RIN3: variants seen among roughly 807,000 people sequenced by gnomAD.
RIN3 encodes Ras and Rab interactor 3.
Under a neutral mutation model 76.3 loss-of-function variants are expected in RIN3, and 54 were observed. That is an observed-to-expected ratio of 0.71 (90% confidence interval 0.57 to 0.89). The LOEUF (loss-of-function observed/expected upper bound fraction) is 0.89, where lower values mean the gene tolerates loss of function less well. Among genes scored for constraint, RIN3 ranks in the 40% least tolerant of loss-of-function variants. The pLI, the probability that RIN3 is intolerant of heterozygous loss-of-function variation, is 0.00. For missense variants in RIN3, 1,256 were observed against 1,322.1 expected (o/e 0.95, Z 0.78); for synonymous variants, 576 against 564.0 (o/e 1.02, Z -0.30).
chr14:92,629,519 T>C (rs1390106112), intron 4 of RIN3, among the ~76,000 whole-genome samples: 3 of 152,216 alleles, frequency 2.0e-5, no homozygotes, highest in Non-Finnish European at 4.4e-5. Flanking sequence ...GAAGTAAAGA[T>C]ACAAAGTCAT....
In RIN3 at chr14:92,656,548, T is replaced by C. The variant is rs1455985931; in HGVS notation, c.2027-2613T>C. On this transcript the variant is annotated intron_variant, in intron 6 of 9. Coordinates refer to ENST00000216487, the MANE Select transcript of RIN3 (RefSeq NM_024832.5). The surrounding 1 kb of genome is among the most constrained non-coding windows in gnomAD (Gnocchi z 5.2). ...TGGCTGGCAGGATGCAGACACACCA[T>C]GGGTCCTGTTAAGGCCAAATCTGCT... Among the ~76,000 whole-genome samples, 1 of 152,200 alleles carries C rather than the reference T, an allele frequency of 6.6e-6. No individual in the cohort carries two copies. The highest frequency in any genetic ancestry group is 6.5e-5 in the Admixed American group (1 of 15,288).
intron 5 of RIN3, among the ~76,000 whole-genome samples, chr14:92,641,778 C>G (rs967423861): frequency 6.6e-6 from 1 of 152,204 alleles, no homozygotes; most frequent in African/African-American, 2.4e-5. Flanking sequence ...TGACCCTAAG[C>G]ACACCCTACC....
At position 92,652,073 on chromosome 14, in the gene RIN3, G is replaced by A. The variant is rs765541980; in HGVS notation, c.1024G>A (p.Glu342Lys). Residue 342 changes from glutamate (E) to lysine (K), a missense_variant, in exon 6 of 10, where the codon GAG (glutamate) becomes AAG (lysine). Glu to Lys is a moderately conservative substitution (Grantham distance 56, BLOSUM62 1). Transcript: ENST00000216487. The surrounding 1 kb of genome is among the most constrained non-coding windows in gnomAD (Gnocchi z 6.4). The stretch of plus-strand genomic sequence containing the variant: ...GAACCAGCCGCCCATGATGACCTGC[G>A]AGAGACTCCCATGCCCCACTGCAGG... ...HPNQPPMMTCERLPCPTAGLG... is the reference protein window; with the variant it reads ...HPNQPPMMTCKRLPCPTAGLG... 14 of 1,601,960 alleles carry A rather than the reference G, an allele frequency of 8.7e-6. No homozygotes were observed. In the East Asian group the frequency reaches 1.6e-4, roughly 18 times the overall value.
intron 4 of RIN3, among the ~76,000 whole-genome samples, chr14:92,636,857 C>T (rs1886795270): frequency 6.6e-6 from 1 of 151,790 alleles, no homozygotes. Flanking sequence ...CAAGACAGGC[C>T]TGGACAATTT....
chr14:92,641,136 G>C (rs557697512), intron 4 of RIN3, 102 bp from the exon 5 acceptor site: 108 of 874,668 alleles, frequency 1.2e-4, no homozygotes, highest in Non-Finnish European at 1.9e-4. Flanking sequence ...GCTGTATGGA[G>C]ACCCTGGCAG....
At chr14:92,572,860 G>A (rs1898101779) in intron 2 of RIN3, among the ~76,000 whole-genome samples, 2 of 148,382 alleles carry the variant, frequency 1.3e-5, no homozygotes, top group African/African-American at 2.5e-5. Flanking sequence ...CCTGTAGAAG[G>A]GTGACTCTTT....
At chr14:92,546,687 G>A (rs61975763) in intron 1 of RIN3, among the ~76,000 whole-genome samples, 4 of 151,106 alleles carry the variant, frequency 2.6e-5, no homozygotes, top group African/African-American at 7.3e-5. Flanking sequence ...GATAGTGGGC[G>A]TAACTGTTTT....
At chr14:92,538,780 A>C (rs1897067793) in intron 1 of RIN3, among the ~76,000 whole-genome samples, 1 of 152,096 alleles carries the variant, frequency 6.6e-6, no homozygotes, top group Non-Finnish European at 1.5e-5. Context: ...AAGTTGTTTT[A>C]ATTGTTTTCT....
rs187888589 is a variant in RIN3, at chr14:92,564,950, C to T, written c.249+8995C>T. Among the ~76,000 whole-genome samples the T allele has an allele frequency of 4.6e-4, 70 of 152,316 alleles. No homozygotes were observed. In the East Asian group the frequency reaches 0.011, roughly 24 times the overall value. On this transcript the variant is annotated intron_variant, in intron 2 of 9. Coordinates refer to ENST00000216487, the MANE Select transcript of RIN3 (RefSeq NM_024832.5). ...TTAGTGGCTAATCAGGGAAGGCTTTCAGGAGCAGTGGCAGATGGAGGGCCC... is the reference window on the plus strand; with the variant it reads ...TTAGTGGCTAATCAGGGAAGGCTTTTAGGAGCAGTGGCAGATGGAGGGCCC...
At position 92,652,775 on chromosome 14, in the gene RIN3, G is replaced by C. The variant is rs1305142887; in HGVS notation, c.1726G>C (p.Gly576Arg). ...GAAGAAGAAGCCCTCCATGATCCTG[G>C]GCAAGGCTCGGCACCGGCTGAGCTT... Reference protein sequence around the residue: ...SVKKKPSMILGKARHRLSFAS... With the variant: ...SVKKKPSMILRKARHRLSFAS... The change falls in exon 6 of 10, where the codon GGC becomes CGC. Residue 576 changes from glycine to arginine, a missense_variant. Physicochemically the swap from Gly to Arg is moderately radical, Grantham distance 125. Coordinates refer to ENST00000216487, the MANE Select transcript of RIN3 (RefSeq NM_024832.5). This position sits in a 1 kb window ranked among gnomAD's most constrained non-coding sequence, Gnocchi z 6.4. 6.2e-7 allele frequency: 1 copy of C among 1,613,968 alleles called. No individual in the cohort carries two copies. Among genetic ancestry groups the C allele is most frequent in the Non-Finnish European group, 8.5e-7 (1 of 1,180,030 alleles).
Position 92,652,639 on chromosome 14 carries a change from C to T in RIN3, c.1590C>T (p.Ser530=). Reference sequence around the variant, plus strand: ...AGAGCTCTCCAGAGTTCAAGGGCTCCCTGGCCTCCCTCTCAGACAGCTTGG... The same window carrying T: ...AGAGCTCTCCAGAGTTCAAGGGCTCTCTGGCCTCCCTCTCAGACAGCTTGG... The part of the protein sequence containing the change: ...HSQSSPEFKG[S]LASLSDSLGV... Residue 530 remains serine, a synonymous_variant, in exon 6 of 10, where the codon TCC becomes TCT. Transcript: ENST00000216487. The surrounding 1 kb of genome is among the most constrained non-coding windows in gnomAD (Gnocchi z 6.4). 2 of 1,611,502 alleles carry T rather than the reference C, an allele frequency of 1.2e-6. No individual in the cohort carries two copies. Among genetic ancestry groups the T allele is most frequent in the Non-Finnish European group, 1.7e-6 (2 of 1,179,904 alleles).
chr14:92,583,744 C>A (rs1052037143), intron 3 of RIN3, among the ~76,000 whole-genome samples: 1 of 152,202 alleles, frequency 6.6e-6, no homozygotes, highest in South Asian at 2.1e-4. Context: ...AACATGATCT[C>A]ATTCATTTTA....
At chr14:92,525,245 C>A (rs569573219) in intron 1 of RIN3, among the ~76,000 whole-genome samples, 1 of 152,192 alleles carries the variant, frequency 6.6e-6, no homozygotes. Flanking sequence ...ACAGAAGAGC[C>A]GGCAGCACAA....
chr14:92,529,754 AG>A (rs1896835325), intron 1 of RIN3, among the ~76,000 whole-genome samples: 1 of 152,072 alleles, frequency 6.6e-6, no homozygotes, highest in Non-Finnish European at 1.5e-5. Flanking sequence ...TTCACTTTTT[AG>A]GATCCGAAGC....
At chr14:92,608,414 G>A (rs1194151809) in intron 3 of RIN3, among the ~76,000 whole-genome samples, 3 of 152,204 alleles carry the variant, frequency 2.0e-5, no homozygotes, top group Non-Finnish European at 4.4e-5. Flanking sequence ...AACTGGCAAT[G>A]TACCAACCAC....
intron 4 of RIN3, among the ~76,000 whole-genome samples, chr14:92,636,635 A>C (rs1275990729): frequency 6.6e-6 from 1 of 152,258 alleles, no homozygotes; most frequent in African/African-American, 2.4e-5. Context: ...ACTCTGCAGC[A>C]CAGAAAAGGA....
At chr14:92,562,040 A>T (rs1199960392) in intron 2 of RIN3, among the ~76,000 whole-genome samples, 18 of 152,124 alleles carry the variant, frequency 1.2e-4, no homozygotes, top group Admixed American at 1.2e-3. Flanking sequence ...TGTTACATTT[A>T]GTCATCTTGT....
intron 2 of RIN3, among the ~76,000 whole-genome samples, chr14:92,560,537 G>C (rs1595415871): frequency 6.6e-6 from 1 of 152,278 alleles, no homozygotes; most frequent in East Asian, 1.9e-4. Flanking sequence ...CTGTCAGGTA[G>C]GCATTAGTGT....
chr14:92,679,884 G>A (rs1595507373), intron 8 of RIN3, among the ~76,000 whole-genome samples: 1 of 152,178 alleles, frequency 6.6e-6, no homozygotes, highest in Non-Finnish European at 1.5e-5. Flanking sequence ...GGAAACCCTG[G>A]GCAAGTCACC....
Sources: allele counts gnomAD v4.1 joint callset (sites outside exome capture counted in the v4.1 genomes callset), GRCh38; gene constraint gnomAD v4.1.1; non-coding constraint Gnocchi (gnomAD v3.1); transcripts MANE v1.5; gene names NCBI Gene and HGNC (gene_info 2026-07-23, HGNC 2026-07-21).